Variants in ITGB5 observed in about 807,000 individuals in gnomAD.
ITGB5 encodes integrin subunit beta 5.
Under a neutral mutation model 84.8 loss-of-function variants are expected in ITGB5, and 38 were observed. The observed-to-expected ratio is 0.45, with a 90% CI of 0.35 to 0.59. The LOEUF (loss-of-function observed/expected upper bound fraction) is 0.59, where lower values mean the gene tolerates loss of function less well. Among genes scored for constraint, ITGB5 ranks in the 20% least tolerant of loss-of-function variants. The probability of loss-of-function intolerance (pLI) is 0.01; values close to 1 mark genes in which losing one functional copy is unlikely to be tolerated. For synonymous variants in ITGB5, 393 were observed against 414.4 expected, an observed-to-expected ratio of 0.95 and a Z score of 0.63; for missense variants, 905 against 1,034.5, an observed-to-expected ratio of 0.87 and a Z score of 1.72.
At position 124,886,347 on chromosome 3, in the gene ITGB5, G is replaced by A. The variant is rs1307850424; in HGVS notation, c.70+584C>T. Among the ~76,000 whole-genome samples the A allele has an allele frequency of 4.0e-5, 6 of 151,790 alleles. No individual in the cohort carries two copies. In the East Asian group the frequency reaches 5.8e-4, roughly 15 times the overall value. ...TAGGCGAGGAGGAAGCAGGCGGGGG[G>A]CGGGGAGGGTGGGGGCTGCATCTTC... On this transcript the variant is annotated intron_variant, in intron 1 of 14. Transcript: ENST00000296181.
At chr3:124,864,648 C>T (rs1254701767) in intron 2 of ITGB5, among the ~76,000 whole-genome samples, 2 of 151,674 alleles carry the variant, frequency 1.3e-5, no homozygotes, top group African/African-American at 2.4e-5. Context: ...GTTTATGGGT[C>T]GAAAAACTAC....
chr3:124,858,428 C>G (rs921549535), intron 3 of ITGB5, among the ~76,000 whole-genome samples: 2 of 152,164 alleles, frequency 1.3e-5, no homozygotes, highest in African/African-American at 2.4e-5. Context: ...AGGAGTAAAT[C>G]TACCAGCATC....
intron 11 of ITGB5, among the ~76,000 whole-genome samples, chr3:124,770,961 C>T (rs991126610): frequency 2.0e-5 from 3 of 151,926 alleles, no homozygotes; most frequent in African/African-American, 7.3e-5. Context: ...CTTTCTCTCC[C>T]GGCCAGGATT....
upstream of ITGB5, chr3:124,887,645 T>C: frequency 4.5e-6 from 2 of 447,048 alleles, no homozygotes; most frequent in Non-Finnish European, 9.1e-6. Flanking sequence ...CCCGCTCCCG[T>C]TGCTTAGCCG....
chr3:124,846,403 C>A (rs371710558), intron 4 of ITGB5, among the ~76,000 whole-genome samples: 1 of 151,414 alleles, frequency 6.6e-6, no homozygotes, highest in Admixed American at 6.6e-5. Context: ...AGCAGCTCAG[C>A]CCTCATCAGA....
intron 8 of ITGB5, among the ~76,000 whole-genome samples, chr3:124,810,621 T>G (rs2047370736): frequency 2.0e-5 from 3 of 151,834 alleles, no homozygotes; most frequent in Admixed American, 2.0e-4. Flanking sequence ...ATAATAATAA[T>G]AATAATAATA....
intron 2 of ITGB5, 51 bp downstream of exon 2, chr3:124,873,395 T>A (rs1194458566): frequency 1.6e-6 from 2 of 1,273,598 alleles, no homozygotes; most frequent in Admixed American, 3.4e-5. Flanking sequence ...CTTCTCACCC[T>A]CACCCTCGCA....
At chr3:124,855,966 CTTG>C (rs895652176) in intron 3 of ITGB5, among the ~76,000 whole-genome samples, 23 of 151,988 alleles carry the variant, frequency 1.5e-4, no homozygotes, top group African/African-American at 4.3e-4. Flanking sequence ...ATTTTGGGTT[CTTG>C]TTGTTGTTGT....
intron 8 of ITGB5, among the ~76,000 whole-genome samples, chr3:124,810,315 T>A (rs907873584): frequency 6.6e-6 from 1 of 152,158 alleles, no homozygotes; most frequent in African/African-American, 2.4e-5. Flanking sequence ...TGGTTGCCCT[T>A]GAGGGATTGC....
At chr3:124,799,769 A>G (rs1406242038) in intron 9 of ITGB5, among the ~76,000 whole-genome samples, 1 of 152,098 alleles carries the variant, frequency 6.6e-6, no homozygotes, top group African/African-American at 2.4e-5. Context: ...CCAGGCCTAG[A>G]GCAGGGCCCG....
At chr3:124,851,568 T>G (rs2065154393) in intron 3 of ITGB5, among the ~76,000 whole-genome samples, 1 of 151,268 alleles carries the variant, frequency 6.6e-6, no homozygotes, top group Admixed American at 6.6e-5. Context: ...AGCAAGAAAC[T>G]TCTTGGCATT....
intron 10 of ITGB5, among the ~76,000 whole-genome samples, chr3:124,782,800 G>C (rs2150949856): frequency 6.6e-6 from 1 of 152,190 alleles, no homozygotes; most frequent in East Asian, 1.9e-4. Flanking sequence ...GGAGGAGGTT[G>C]CAGTGAGCTG....
intron 1 of ITGB5, among the ~76,000 whole-genome samples, chr3:124,875,004 T>C (rs1485576517): frequency 6.6e-6 from 1 of 152,108 alleles, no homozygotes. Flanking sequence ...AATAGGCAAA[T>C]GGAATTCTAT....
chr3:124,848,628 C>T, intron 3 of ITGB5, 70 bp from the exon 4 acceptor site: 3 of 1,510,032 alleles, frequency 2.0e-6, no homozygotes, highest in Non-Finnish European at 1.8e-6. Flanking sequence ...ATGGGATTTG[C>T]TTTCAAAGCT....
intron 3 of ITGB5, among the ~76,000 whole-genome samples, chr3:124,854,221 A>G (rs2065193448): frequency 6.6e-6 from 1 of 152,208 alleles, no homozygotes; most frequent in Non-Finnish European, 1.5e-5. Flanking sequence ...ACTCCTAGCT[A>G]TAGACCCAAG....
intron 5 of ITGB5, among the ~76,000 whole-genome samples, chr3:124,832,688 T>C (rs764405122): frequency 1.1e-4 from 16 of 152,242 alleles, no homozygotes; most frequent in Admixed American, 2.6e-4. Flanking sequence ...GTGATGCTCA[T>C]GGAGACAGGC....
chr3:124,805,946 C>G (rs2064395104), intron 9 of ITGB5, among the ~76,000 whole-genome samples: 1 of 152,184 alleles, frequency 6.6e-6, no homozygotes, highest in African/African-American at 2.4e-5. Context: ...GGCTTTCCTG[C>G]TTTATAACAT....
chr3:124,878,743 TTAA>T (rs1216881620), intron 1 of ITGB5: 1 of 152,196 alleles, frequency 6.6e-6, no homozygotes, highest in Non-Finnish European at 1.5e-5. Flanking sequence ...TCTCCACCTA[TTAA>T]TATTTCAGAG....
At chr3:124,774,043 T>C in intron 10 of ITGB5, 131 bp from the exon 11 acceptor site, 2 of 813,740 alleles carry the variant, frequency 2.5e-6, no homozygotes, top group East Asian at 2.7e-5. Flanking sequence ...CAGAGCCTGT[T>C]TGGGGAGATA....
Sources: gnomAD v4.1 joint callset for allele counts (sites outside exome capture counted in the v4.1 genomes callset) on GRCh38, gnomAD v4.1.1 for gene constraint, MANE v1.5 for transcripts, NCBI Gene and HGNC (gene_info 2026-07-23, HGNC 2026-07-21) for gene names.